Variants in SRGAP1 observed in about 807,000 individuals in gnomAD.
SRGAP1 encodes SLIT-ROBO Rho GTPase activating protein 1.
SRGAP1 carries 43 observed loss-of-function variants against 121.9 expected under a neutral mutation model. That is an observed-to-expected ratio of 0.35 (90% CI 0.28 to 0.46). The LOEUF is 0.46. Among genes scored for constraint, SRGAP1 ranks in the 20% least tolerant of loss-of-function variants. SRGAP1 has a pLI of 1.00. For synonymous variants in SRGAP1, 447 were observed against 485.4 expected, an observed-to-expected ratio of 0.92 and a Z score of 1.04; for missense variants, 1,102 against 1,350.9, an observed-to-expected ratio of 0.82 and a Z score of 2.89.
intron 1 of SRGAP1, among the ~76,000 whole-genome samples, chr12:63,848,513 A>G (rs770660448): frequency 6.6e-6 from 1 of 151,936 alleles, no homozygotes; most frequent in African/African-American, 2.4e-5. Flanking sequence ...TATCTATAAG[A>G]TAAGGAGTTG....
intron 1 of SRGAP1, among the ~76,000 whole-genome samples, chr12:63,963,674 A>G (rs1269552722): frequency 6.6e-6 from 1 of 152,088 alleles, no homozygotes; most frequent in Non-Finnish European, 1.5e-5. Flanking sequence ...CCCATTAACC[A>G]ACCTCTCTGT....
At chr12:63,951,459 C>T (rs1424873280) in intron 1 of SRGAP1, among the ~76,000 whole-genome samples, 2 of 152,208 alleles carry the variant, frequency 1.3e-5, no homozygotes, top group East Asian at 1.9e-4. Flanking sequence ...CCACTGCACC[C>T]GGCCTTCATT....
chr12:64,143,674 G>C lies in SRGAP1; in HGVS notation c.*1002G>C, dbSNP rs1238569344. 1 of 152,040 alleles carries C rather than the reference G, an allele frequency of 6.6e-6. No homozygotes were observed. Among genetic ancestry groups the C allele is most frequent in the Non-Finnish European group, 1.5e-5 (1 of 68,168 alleles). The allele number at this position is 152,040 out of a possible 1,614,324, so 9.4% of individuals were successfully genotyped here. A position where few individuals can be genotyped will look rare whatever the true frequency, so the allele number is the denominator to read the frequency against. On this transcript the variant is annotated 3_prime_UTR_variant, in exon 22 of 22. Coordinates refer to ENST00000355086, the MANE Select transcript of SRGAP1 (RefSeq NM_020762.4). ...CATGCTACAAAGCCCAGGCATGGTG[G>C]TGCACACCTGTACTCCCAGCTACTC...
At chr12:63,847,389 A>G (rs1479087330) in intron 1 of SRGAP1, among the ~76,000 whole-genome samples, 2 of 152,148 alleles carry the variant, frequency 1.3e-5, no homozygotes, top group East Asian at 1.9e-4. Context: ...ACAGTCAGCA[A>G]CTTTATCTGA....
rs144754508 is a variant in SRGAP1, at chr12:63,951,889, T to G, written c.68-32058T>G. Among the ~76,000 whole-genome samples, 69 of 152,276 alleles carry G rather than the reference T, an allele frequency of 4.5e-4. 1 individual carries two copies. Among genetic ancestry groups the G allele is most frequent in the African/African-American group, 1.5e-3 (63 of 41,556 alleles). ...TACATTATGAAAACATTTTATTGCT[T>G]AGAAGGAATATACTTTTATTCAGTG... is the stretch of plus-strand genomic sequence containing the variant. On this transcript the variant is annotated intron_variant, in intron 1 of 21. Coordinates refer to ENST00000355086, the MANE Select transcript of SRGAP1 (RefSeq NM_020762.4).
intron 8 of SRGAP1, among the ~76,000 whole-genome samples, chr12:64,077,686 C>A (rs968689950): frequency 1.6e-4 from 24 of 151,744 alleles, no homozygotes; most frequent in African/African-American, 5.8e-4. Flanking sequence ...TAACAGATAA[C>A]ATAAAGCAGT....
chr12:64,001,514 G>A (rs2033896394), intron 3 of SRGAP1, among the ~76,000 whole-genome samples: 1 of 152,156 alleles, frequency 6.6e-6, no homozygotes. Context: ...CTCTTTTGAT[G>A]TTTTTGGACA....
At chr12:63,849,908 A>C (rs529863561) in intron 1 of SRGAP1, among the ~76,000 whole-genome samples, 1 of 152,190 alleles carries the variant, frequency 6.6e-6, no homozygotes. Flanking sequence ...TAAATAGGAG[A>C]TAGAACAGTT....
chr12:64,031,789 T>C (rs1020452261), intron 4 of SRGAP1, among the ~76,000 whole-genome samples: 1 of 152,222 alleles, frequency 6.6e-6, no homozygotes, highest in African/African-American at 2.4e-5. Flanking sequence ...TCTTTCATCC[T>C]ACACTTTTCA....
chr12:63,854,011 C>G (rs1207709723), intron 1 of SRGAP1, among the ~76,000 whole-genome samples: 1 of 152,130 alleles, frequency 6.6e-6, no homozygotes, highest in Non-Finnish European at 1.5e-5. Context: ...AAGCTTGCTT[C>G]TTTGCTTGCT....
rs10748002 is a variant in SRGAP1 at position 64,154,417 on chromosome 12, T to C, written c.*11745T>C. On this transcript the variant is annotated 3_prime_UTR_variant, in exon 22 of 22. Transcript: ENST00000355086. ...CACAATTAAGGAGCAACACAGGAGA[T>C]GAGGGTGGCTTGGACTAGATAGCCA... is the stretch of plus-strand genomic sequence containing the variant. 0.46 allele frequency: 69,341 copies of C among 151,674 alleles called. 16,084 individuals are homozygous for C. The highest frequency in any genetic ancestry group is 0.57 in the East Asian group (2,938 of 5,150). 9.4% of individuals were successfully genotyped at this position (151,674 alleles called of 1,614,324 possible).
At chr12:64,126,668 G>A (rs1434237135) in intron 19 of SRGAP1, among the ~76,000 whole-genome samples, 1 of 152,130 alleles carries the variant, frequency 6.6e-6, no homozygotes, top group African/African-American at 2.4e-5. Context: ...AAAATAATGT[G>A]TAGTCCAAAA....
chr12:63,961,987 A>G (rs2032655743), intron 1 of SRGAP1, among the ~76,000 whole-genome samples: 1 of 152,210 alleles, frequency 6.6e-6, no homozygotes, highest in African/African-American at 2.4e-5. Context: ...GGAGGAAATT[A>G]AATGATCTGG....
At chr12:64,026,698 C>T (rs1295973234) in intron 4 of SRGAP1, among the ~76,000 whole-genome samples, 1 of 151,472 alleles carries the variant, frequency 6.6e-6, no homozygotes, top group Admixed American at 6.6e-5. Context: ...GAAACCCCAT[C>T]TCTACAAAAA....
chr12:64,073,137 A>G (rs1422293892), intron 8 of SRGAP1, among the ~76,000 whole-genome samples: 1 of 152,118 alleles, frequency 6.6e-6, no homozygotes, highest in Non-Finnish European at 1.5e-5. Flanking sequence ...GTATGTCAGA[A>G]GCTCGTGTTA....
At chr12:63,986,091 GTCTCT>G (rs370676404) in intron 2 of SRGAP1, among the ~76,000 whole-genome samples, 1 of 151,556 alleles carries the variant, frequency 6.6e-6, no homozygotes, top group African/African-American at 2.4e-5. Flanking sequence ...TCTCCTCTCT[GTCTCT>G]TCTCTTTTCT....
In SRGAP1 at chr12:64,080,356, G is replaced by C; in HGVS notation, c.1394G>C (p.Arg465Thr). Residue 465 changes from arginine (R) to threonine (T), a missense_variant, in exon 10 of 22, where the codon AGG becomes ACG. By Grantham distance (71) the Arg-to-Thr change is moderately conservative. This residue lies in a region of SRGAP1 where 747 missense variants were observed against 929.4 expected (regional missense o/e 0.80). Coordinates refer to ENST00000355086, the MANE Select transcript of SRGAP1 (RefSeq NM_020762.4). ...KLQAKHDLLQRTLGEGHRAEY... is the reference protein window; with the variant it reads ...KLQAKHDLLQTTLGEGHRAEY... Reference sequence around the variant, plus strand: ...CAAGCCAAACATGACTTGCTGCAGAGGACCCTGGGAGAAGGTGAGTTATCC... The same window carrying C: ...CAAGCCAAACATGACTTGCTGCAGACGACCCTGGGAGAAGGTGAGTTATCC... 1 of 1,613,500 alleles carries C rather than the reference G, an allele frequency of 6.2e-7. No individual in the cohort carries two copies. Among genetic ancestry groups the C allele is most frequent in the Non-Finnish European group, 8.5e-7 (1 of 1,179,634 alleles).
intron 3 of SRGAP1, among the ~76,000 whole-genome samples, chr12:64,014,560 A>G (rs781363029): frequency 1.3e-5 from 2 of 152,134 alleles, no homozygotes; most frequent in Non-Finnish European, 2.9e-5. Context: ...ACAAACCCCC[A>G]TGACACAAGT....
At chr12:63,868,274 G>A (rs1899731652) in intron 1 of SRGAP1, among the ~76,000 whole-genome samples, 1 of 150,794 alleles carries the variant, frequency 6.6e-6, no homozygotes, top group Admixed American at 6.6e-5. Flanking sequence ...GTAGAGATGG[G>A]GTCTCACCAG....
Sources: allele counts gnomAD v4.1 joint callset (sites outside exome capture counted in the v4.1 genomes callset), GRCh38; gene constraint gnomAD v4.1.1; regional missense constraint gnomAD v4.1.1; transcripts MANE v1.5; gene names NCBI Gene and HGNC (gene_info 2026-07-23, HGNC 2026-07-21).